PREP: variants seen among roughly 807,000 people sequenced by gnomAD.
The protein encoded by PREP is prolyl endopeptidase.
Under a neutral mutation model 87.6 loss-of-function variants are expected in PREP, and 29 were observed. The observed-to-expected ratio is 0.33, with a 90% CI of 0.25 to 0.45. The LOEUF (loss-of-function observed/expected upper bound fraction) is 0.45, where lower values mean the gene tolerates loss of function less well. PREP is among the 20% of genes least tolerant of loss of function. The pLI is 1.00. For missense variants in PREP, 695 were observed against 886.5 expected (o/e 0.78, Z 2.74); for synonymous variants, 337 against 328.6 (o/e 1.03, Z -0.28).
chr6:105,374,686 A>C (rs1297471591), intron 4 of PREP, among the ~76,000 whole-genome samples: 1 of 65,566 alleles, frequency 1.5e-5, no homozygotes, highest in Non-Finnish European at 2.8e-5. Context: ...ATATATATAT[A>C]TATATATCAG....
chr6:105,340,576 A>G (rs545656777), intron 7 of PREP, among the ~76,000 whole-genome samples: 40 of 152,356 alleles, frequency 2.6e-4, no homozygotes, highest in African/African-American at 8.9e-4. Flanking sequence ...TAAATGCTCC[A>G]ATTAAAAGAC....
At chr6:105,286,225 A>G (rs1212145140) in intron 11 of PREP, among the ~76,000 whole-genome samples, 1 of 152,224 alleles carries the variant, frequency 6.6e-6, no homozygotes, top group East Asian at 1.9e-4. Context: ...GGAGGACCTG[A>G]TAATGGTTCC....
chr6:105,290,281 C>G (rs1770274659), intron 10 of PREP, among the ~76,000 whole-genome samples: 1 of 152,146 alleles, frequency 6.6e-6, no homozygotes, highest in South Asian at 2.1e-4. Flanking sequence ...TTCCAAGGGA[C>G]TGGCTGGGAT....
intron 6 of PREP, among the ~76,000 whole-genome samples, chr6:105,363,616 G>A (rs748747588): frequency 9.9e-5 from 15 of 152,150 alleles, no homozygotes; most frequent in Admixed American, 2.0e-4. Context: ...GAGGCTTCCC[G>A]AGGTCCCTGG....
chr6:105,284,392 T>C (rs1182490688), intron 12 of PREP, among the ~76,000 whole-genome samples: 1 of 152,140 alleles, frequency 6.6e-6, no homozygotes, highest in African/African-American at 2.4e-5. Flanking sequence ...TGGAAATCTC[T>C]TTACAACAGG....
chr6:105,351,132 C>T (rs887316672), intron 7 of PREP, among the ~76,000 whole-genome samples: 2 of 152,166 alleles, frequency 1.3e-5, no homozygotes, highest in Non-Finnish European at 2.9e-5. Flanking sequence ...ATCAATCAAA[C>T]ACAAATATAG....
chr6:105,398,757 G>T (rs1773349208), intron 1 of PREP, among the ~76,000 whole-genome samples: 1 of 152,090 alleles, frequency 6.6e-6, no homozygotes, highest in African/African-American at 2.4e-5. Context: ...TATGCCAAAA[G>T]AAATTATCCA....
rs139593656 is a variant in PREP at position 105,366,370 on chromosome 6, C to A, written c.717+2533G>T. Among the ~76,000 whole-genome samples the A allele has an allele frequency of 9.3e-4, 142 of 152,294 alleles. 4 individuals carry two copies. The East Asian group carries it at 0.023, about 25-fold the overall frequency. On this transcript the variant is annotated intron_variant, in intron 6 of 14. Coordinates refer to ENST00000652536, the MANE Select transcript of PREP (RefSeq NM_002726.5). ...GTGGTTAAGAAGATACAGGCTGTGA[C>A]CCTAACAGACCCAGCAGGCAGTTCC... is the stretch of plus-strand genomic sequence containing the variant.
At position 105,288,748 on chromosome 6, in the gene PREP, C is replaced by T; in HGVS notation, c.1454+10G>A. 6.2e-7 allele frequency: 1 copy of T among 1,613,696 alleles called. No individual in the cohort carries two copies. The highest frequency in any genetic ancestry group is 8.5e-7 in the Non-Finnish European group (1 of 1,179,824). On this transcript the variant is annotated intron_variant, in intron 11 of 14. Coordinates refer to ENST00000652536, the MANE Select transcript of PREP (RefSeq NM_002726.5). ...AAAATACTGGCACTCTGAGTGCGTT[C>T]CGAGCTCACCTGTAGTTGGGTGTGA... is the stretch of plus-strand genomic sequence containing the variant.
chr6:105,388,933 C>T (rs769821952), intron 2 of PREP, among the ~76,000 whole-genome samples: 1 of 152,196 alleles, frequency 6.6e-6, no homozygotes, highest in Non-Finnish European at 1.5e-5. Flanking sequence ...GGCCTAGTTT[C>T]ATCACTACAC....
intron 6 of PREP, among the ~76,000 whole-genome samples, chr6:105,361,683 ACT>A (rs966231447): frequency 1.3e-5 from 2 of 152,152 alleles, no homozygotes; most frequent in Non-Finnish European, 2.9e-5. Context: ...AGAGCAGGAG[ACT>A]TTATCAAATT....
chr6:105,318,527 G>A (rs1770928204), intron 10 of PREP, among the ~76,000 whole-genome samples: 1 of 152,180 alleles, frequency 6.6e-6, no homozygotes, highest in African/African-American at 2.4e-5. Context: ...CAGAGAAGGA[G>A]AAAGGGATAC....
chr6:105,280,403 G>GTGAT (rs1182488526), intron 14 of PREP, among the ~76,000 whole-genome samples: 1 of 150,594 alleles, frequency 6.6e-6, no homozygotes, highest in African/African-American at 2.5e-5. Context: ...CCAAACACTG[G>GTGAT]TGATTAAAAA....
intron 14 of PREP, chr6:105,281,494 G>A: frequency 2.6e-6 from 1 of 384,296 alleles, no homozygotes; most frequent in Non-Finnish European, 4.7e-6. Flanking sequence ...GTAAGTGTTT[G>A]AATAACCAGG....
chr6:105,336,506 G>A lies in PREP; in HGVS notation c.824-3001C>T, dbSNP rs571175099. Among the ~76,000 whole-genome samples the A allele has an allele frequency of 1.2e-4, 18 of 152,204 alleles. No individual in the cohort carries two copies. The South Asian group carries it at 3.7e-3, about 32-fold the overall frequency. On this transcript the variant is annotated intron_variant, in intron 7 of 14. Transcript: ENST00000652536. ...ATATTTCTATTATTTTTTGCTCCCT[G>A]TATTTTGTAATCATGATGTTAGATA...
At chr6:105,323,122 A>C in intron 10 of PREP, 1 of 1,303,532 alleles carries the variant, frequency 7.7e-7, no homozygotes, top group Non-Finnish European at 1.0e-6. Context: ...CTGAAAAAAC[A>C]AAAAAGGAGA....
At chr6:105,285,389 T>C in intron 12 of PREP, 97 bp downstream of exon 12, 1 of 1,245,212 alleles carries the variant, frequency 8.0e-7, no homozygotes, top group Non-Finnish European at 1.1e-6. Flanking sequence ...AAAGCTTTCC[T>C]GCTCCAAACC....
In PREP at chr6:105,273,761, A is replaced by G. The variant is rs1037217142; in HGVS notation, c.*4383T>C. 2.0e-5 allele frequency: 3 copies of G among 152,514 alleles called. No homozygotes were observed. Among genetic ancestry groups the G allele is most frequent in the Non-Finnish European group, 4.4e-5 (3 of 68,396 alleles). 9.4% of individuals were successfully genotyped at this position (152,514 alleles called of 1,614,324 possible). On this transcript the variant is annotated 3_prime_UTR_variant, in exon 15 of 15. Transcript: ENST00000652536. ...CCTGACTGAGCTGCCTGCCATCTCTAGTGTATCCTCCAGGCCTCGCCTGGC... is the reference window on the plus strand; with the variant it reads ...CCTGACTGAGCTGCCTGCCATCTCTGGTGTATCCTCCAGGCCTCGCCTGGC...
rs1297681381 is a variant in PREP at position 105,299,558 on chromosome 6, C to T, written c.1318-10664G>A. On this transcript the variant is annotated intron_variant, in intron 10 of 14. Transcript: ENST00000652536. ...AAGTTGCAGTAAGCCGAGATTGCGT[C>T]ATTACACTCCAGCCTGGGCAACAGA... 2.6e-5 allele frequency among the ~76,000 whole-genome samples: 4 copies of T among 152,128 alleles called. No individual in the cohort carries two copies. In the East Asian group the frequency reaches 5.8e-4, roughly 22 times the overall value.
Sources: gnomAD v4.1 joint callset for allele counts (sites outside exome capture counted in the v4.1 genomes callset) on GRCh38, gnomAD v4.1.1 for gene constraint, MANE v1.5 for transcripts, NCBI Gene and HGNC (gene_info 2026-07-23, HGNC 2026-07-21) for gene names.